CDH13: variants seen among roughly 807,000 people sequenced by gnomAD.
CDH13 encodes the protein cadherin 13.
A neutral mutation model predicts 63.8 loss-of-function variants in CDH13; 24 were observed. The ratio of observed to expected loss-of-function variants is 0.38; its 90% CI spans 0.27 to 0.53. CDH13 has a LOEUF of 0.53. Ranked by LOEUF, CDH13 falls within the 20% of genes least tolerant of loss-of-function variation. The pLI, the probability that CDH13 is intolerant of heterozygous loss-of-function variation, is 0.85. For synonymous variants in CDH13, 503 were observed against 355.3 expected (o/e 1.42, Z -4.67); for missense variants, 1,049 against 903.1 (o/e 1.16, Z -2.07).
At chr16:83,393,958 G>A (rs1476770205) in intron 6 of CDH13, among the ~76,000 whole-genome samples, 1 of 152,112 alleles carries the variant, frequency 6.6e-6, no homozygotes, top group Non-Finnish European at 1.5e-5. Flanking sequence ...AACATGGATG[G>A]ACCTGGAGGT....
At chr16:82,921,108 A>G (rs1356002598) in intron 2 of CDH13, among the ~76,000 whole-genome samples, 1 of 152,194 alleles carries the variant, frequency 6.6e-6, no homozygotes, top group Non-Finnish European at 1.5e-5. Context: ...CTTGAGGTGT[A>G]CAATCCTTTT....
intron 2 of CDH13, among the ~76,000 whole-genome samples, chr16:82,904,975 T>G (rs1441743917): frequency 6.6e-6 from 1 of 152,164 alleles, no homozygotes; most frequent in Non-Finnish European, 1.5e-5. Flanking sequence ...GTGCAGTTTC[T>G]CCCTAAATGA....
At chr16:83,440,975 C>T (rs150218241) in intron 6 of CDH13, among the ~76,000 whole-genome samples, 1 of 152,168 alleles carries the variant, frequency 6.6e-6, no homozygotes, top group Non-Finnish European at 1.5e-5. Flanking sequence ...AATCTGTGTT[C>T]ATCCCTGAAC....
At chr16:83,408,271 A>T (rs575288765) in intron 6 of CDH13, among the ~76,000 whole-genome samples, 49 of 152,324 alleles carry the variant, frequency 3.2e-4, no homozygotes, top group Non-Finnish European at 5.3e-4. Flanking sequence ...CTGCACACAC[A>T]TACACATATT....
At chr16:83,192,238 T>C (rs980892488) in intron 4 of CDH13, among the ~76,000 whole-genome samples, 9 of 152,316 alleles carry the variant, frequency 5.9e-5, no homozygotes, top group Middle Eastern at 3.4e-3. Flanking sequence ...TGGCCGCTTC[T>C]GTAAACACTG....
intron 1 of CDH13, among the ~76,000 whole-genome samples, chr16:82,672,841 G>C (rs567385261): frequency 6.6e-6 from 1 of 151,322 alleles, no homozygotes; most frequent in Non-Finnish European, 1.5e-5. Flanking sequence ...TGGAGACAGA[G>C]CCTCACTGTG....
At chr16:83,089,433 A>T (rs1275544027) in intron 3 of CDH13, among the ~76,000 whole-genome samples, 1 of 152,250 alleles carries the variant, frequency 6.6e-6, no homozygotes, top group African/African-American at 2.4e-5. Context: ...ACTTGCTGCC[A>T]TCAGAGAACT....
chr16:82,719,391 C>A, intron 1 of CDH13: 1 of 455,944 alleles, frequency 2.2e-6, no homozygotes, highest in Non-Finnish European at 4.4e-6. Context: ...AGTCCCAGTT[C>A]CAGGCCCTTC....
intron 2 of CDH13, among the ~76,000 whole-genome samples, chr16:82,902,423 T>C (rs1221762538): frequency 1.3e-5 from 2 of 150,946 alleles, no homozygotes; most frequent in Non-Finnish European, 2.9e-5. Flanking sequence ...TAGTTGAGGA[T>C]CATTTTGCCA....
intron 8 of CDH13, among the ~76,000 whole-genome samples, chr16:83,630,308 T>C (rs1426027828): frequency 6.6e-6 from 1 of 152,118 alleles, no homozygotes; most frequent in African/African-American, 2.4e-5. Flanking sequence ...TCTCAGTCAA[T>C]TTAGAACGTT....
intron 3 of CDH13, among the ~76,000 whole-genome samples, chr16:83,061,649 C>T (rs1254697513): frequency 6.6e-6 from 1 of 152,220 alleles, no homozygotes; most frequent in African/African-American, 2.4e-5. Context: ...GTGGCTCATG[C>T]TGCTCTTTGC....
At chr16:83,571,981 C>T (rs1314725507) in intron 7 of CDH13, among the ~76,000 whole-genome samples, 2 of 152,114 alleles carry the variant, frequency 1.3e-5, no homozygotes, top group Non-Finnish European at 2.9e-5. Flanking sequence ...TTCTGAGCCT[C>T]AGTTTTGTCA....
intron 8 of CDH13, among the ~76,000 whole-genome samples, chr16:83,609,243 T>C (rs1908642224): frequency 6.6e-6 from 1 of 152,204 alleles, no homozygotes; most frequent in Non-Finnish European, 1.5e-5. Flanking sequence ...TATGAGATTT[T>C]TTTTTTAGCT....
chr16:83,560,147 A>G (rs1231638202), intron 7 of CDH13, among the ~76,000 whole-genome samples: 1 of 152,194 alleles, frequency 6.6e-6, no homozygotes, highest in African/African-American at 2.4e-5. Context: ...CCTGGACAAG[A>G]GCAGAGCAAA....
At chr16:83,456,710 C>T (rs1446350711) in intron 6 of CDH13, among the ~76,000 whole-genome samples, 2 of 152,088 alleles carry the variant, frequency 1.3e-5, no homozygotes, top group Non-Finnish European at 2.9e-5. Context: ...GACCGTAATC[C>T]CAGCACTTTG....
At chr16:83,325,990 A>G (rs74034146) in intron 5 of CDH13, among the ~76,000 whole-genome samples, 1,581 of 152,292 alleles carry the variant, frequency 0.01, 25 homozygotes, top group African/African-American at 0.036. Flanking sequence ...AAAAGGTGAC[A>G]TGAACCAAAT....
intron 5 of CDH13, among the ~76,000 whole-genome samples, chr16:83,260,543 T>C (rs1906863352): frequency 6.6e-6 from 1 of 152,200 alleles, no homozygotes; most frequent in African/African-American, 2.4e-5. Flanking sequence ...GGAGCAACTC[T>C]GTGCATCGGA....
chr16:82,633,798 CA>C (rs1483723150), intron 1 of CDH13, among the ~76,000 whole-genome samples: 4 of 152,196 alleles, frequency 2.6e-5, no homozygotes, highest in Non-Finnish European at 1.5e-5. Flanking sequence ...GTTAATGCTA[CA>C]ATTAATGCTC....
intron 1 of CDH13, among the ~76,000 whole-genome samples, chr16:82,846,112 G>C (rs994380949): frequency 4.6e-5 from 7 of 152,114 alleles, no homozygotes; most frequent in African/African-American, 1.7e-4. Flanking sequence ...CTGCCAAATG[G>C]CTCCCTGTTT....
Sources: gnomAD v4.1 joint callset for allele counts (sites outside exome capture counted in the v4.1 genomes callset) on GRCh38, gnomAD v4.1.1 for gene constraint, MANE v1.5 for transcripts, NCBI Gene and HGNC (gene_info 2026-07-23, HGNC 2026-07-21) for gene names.